The following SAMSN1 variants were observed in gnomAD, a reference collection of about 807,000 sequenced individuals.
The protein encoded by SAMSN1 is SAM domain-containing protein SAMSN-1.
In SAMSN1, 31 loss-of-function variants were observed where a neutral mutation model predicts 42.0. The ratio of observed to expected loss-of-function variants is 0.74; its 90% CI spans 0.55 to 1.00. The LOEUF (loss-of-function observed/expected upper bound fraction) is 1.00, where lower values mean the gene tolerates loss of function less well. Ranked by LOEUF, SAMSN1 falls within the 50% of genes least tolerant of loss-of-function variation. SAMSN1 has a pLI of 0.00. For synonymous variants in SAMSN1, 178 were observed against 151.9 expected (o/e 1.17, Z -1.26); for missense variants, 464 against 439.4 (o/e 1.06, Z -0.50).
At chr21:14,623,402 A>G (rs1428971025) in intron 2 of SAMSN1, among the ~76,000 whole-genome samples, 1 of 152,226 alleles carries the variant, frequency 6.6e-6, no homozygotes, top group Non-Finnish European at 1.5e-5. Context: ...AGAGACACAC[A>G]TAGGCTCAAA....
At chr21:14,554,669 C>T (rs6516879) in intron 2 of SAMSN1, among the ~76,000 whole-genome samples, 142 of 150,880 alleles carry the variant, frequency 9.4e-4, no homozygotes, top group African/African-American at 3.4e-3. Flanking sequence ...AGGTGATCAA[C>T]TAGCAGTTAA....
At chr21:14,493,574 A>AACACAC (rs201460166) in intron 7 of SAMSN1, among the ~76,000 whole-genome samples, 4,491 of 102,182 alleles carry the variant, frequency 0.044, 96 homozygotes, top group African/African-American at 0.047. Flanking sequence ...TTTATGGAAC[A>AACACAC]ACACACACAC....
At chr21:14,506,906 T>C (rs990800795) in intron 5 of SAMSN1, among the ~76,000 whole-genome samples, 2 of 152,204 alleles carry the variant, frequency 1.3e-5, no homozygotes, top group Non-Finnish European at 1.5e-5. Flanking sequence ...CTTCAATAAA[T>C]GTGATACACC....
Position 14,603,194 on chromosome 21 carries a change from T to C in SAMSN1, c.323-1095A>G, listed in dbSNP as rs75543520. On this transcript the variant is annotated intron_variant, in intron 5 of 15. Coordinates refer to the SAMSN1 transcript ENST00000647101. ...GGAAAAAAAAATATTGCCTCCCCTC[T>C]TATTCCTTTCCATCTTGTCTCTTTT... Among the ~76,000 whole-genome samples the C allele has an allele frequency of 1.6e-3, 242 of 152,276 alleles. 6 individuals are homozygous for C. In the East Asian group the frequency reaches 0.033, roughly 21 times the overall value.
At chr21:14,656,882 A>AG (rs1019134120) in intron 1 of SAMSN1, among the ~76,000 whole-genome samples, 1 of 151,860 alleles carries the variant, frequency 6.6e-6, no homozygotes, top group Non-Finnish European at 1.5e-5. Flanking sequence ...TGCTTCCCAG[A>AG]GATTTAAAGG....
chr21:14,583,728 G>A, upstream of SAMSN1: 1 of 717,618 alleles, frequency 1.4e-6, no homozygotes, highest in Admixed American at 2.0e-5. Context: ...TTCTGTAGTC[G>A]CTTTAATGTC....
At chr21:14,585,778 G>A (rs1037361858), upstream of SAMSN1, among the ~76,000 whole-genome samples, 8 of 152,136 alleles carry the variant, frequency 5.3e-5, no homozygotes, top group African/African-American at 7.2e-5. Flanking sequence ...TTTTATACAT[G>A]TTTTATATAC....
Position 14,560,305 on chromosome 21 carries a change from T to G in SAMSN1, c.261+21831A>C, listed in dbSNP as rs118127948. ...ATATTAGAGACATGAAATTGTTTGG[T>G]ACTGAAACCATCTTTGCAAGATTAT... On this transcript the variant is annotated intron_variant, in intron 2 of 8. Transcript: ENST00000285670. 5.8e-3 allele frequency among the ~76,000 whole-genome samples: 883 copies of G among 152,296 alleles called. 8 individuals are homozygous for G. Among genetic ancestry groups the G allele is most frequent in the Non-Finnish European group, 9.5e-3 (647 of 68,024 alleles).
intron 2 of SAMSN1, among the ~76,000 whole-genome samples, chr21:14,561,939 C>T (rs1223795997): frequency 1.3e-5 from 2 of 152,054 alleles, no homozygotes; most frequent in African/African-American, 2.4e-5. Context: ...AGGAGTCTCT[C>T]CTAGAGGCTT....
chr21:14,593,821 A>G (rs1982165342), intron 7 of SAMSN1: 6 of 383,634 alleles, frequency 1.6e-5, no homozygotes, highest in Non-Finnish European at 2.3e-5. Context: ...GAAATGCTTT[A>G]TGTTCCTTTT....
intron 2 of SAMSN1, among the ~76,000 whole-genome samples, chr21:14,575,357 A>T (rs912201388): frequency 2.6e-5 from 4 of 152,182 alleles, no homozygotes; most frequent in African/African-American, 7.2e-5. Context: ...TGTCAAGTAT[A>T]TTAATTTTAG....
chr21:14,571,032 C>G (rs929927948), intron 2 of SAMSN1, among the ~76,000 whole-genome samples: 1 of 152,206 alleles, frequency 6.6e-6, no homozygotes, highest in African/African-American at 2.4e-5. Flanking sequence ...TAACTCTTCT[C>G]TTCCATCACA....
In SAMSN1 at chr21:14,529,240, C is replaced by T. The variant is rs544692359; in HGVS notation, c.58-8019G>A. ...CCATTCTTCGAGGGCAGGATTAAGTCTCACCTCCCTTAGGAAACCCTTTTC... is the reference window on the plus strand; with the variant it reads ...CCATTCTTCGAGGGCAGGATTAAGTTTCACCTCCCTTAGGAAACCCTTTTC... On this transcript the variant is annotated intron_variant, in intron 1 of 7. Coordinates refer to ENST00000400566, the MANE Select transcript of SAMSN1 (RefSeq NM_022136.5). 3.9e-5 allele frequency among the ~76,000 whole-genome samples: 6 copies of T among 152,316 alleles called. No homozygotes were observed. In the East Asian group the frequency reaches 1.2e-3, roughly 29 times the overall value.
chr21:14,652,999 T>C (rs1600985886), intron 1 of SAMSN1, among the ~76,000 whole-genome samples: 2 of 152,118 alleles, frequency 1.3e-5, no homozygotes, highest in East Asian at 3.9e-4. Context: ...TATCTCACCA[T>C]AGTTAAAAAT....
chr21:14,622,272 C>T (rs402024), intron 2 of SAMSN1, among the ~76,000 whole-genome samples: 1 of 152,124 alleles, frequency 6.6e-6, no homozygotes, highest in African/African-American at 2.4e-5. Context: ...GCTGGATGGA[C>T]AATGACTTTG....
chr21:14,490,581 G>A (rs1027993606), intron 7 of SAMSN1, among the ~76,000 whole-genome samples: 1 of 152,144 alleles, frequency 6.6e-6, no homozygotes, highest in African/African-American at 2.4e-5. Flanking sequence ...TTCATCTAAA[G>A]CCCATTCTTA....
At chr21:14,526,392 T>C (rs995736453) in intron 1 of SAMSN1, among the ~76,000 whole-genome samples, 7 of 152,226 alleles carry the variant, frequency 4.6e-5, no homozygotes, top group African/African-American at 1.7e-4. Flanking sequence ...ACAGTCCACT[T>C]GGCTTACCCA....
chr21:14,579,785 T>C (rs1378062398), intron 2 of SAMSN1, among the ~76,000 whole-genome samples: 1 of 151,970 alleles, frequency 6.6e-6, no homozygotes, highest in African/African-American at 2.4e-5. Flanking sequence ...CCTGGCCACT[T>C]CTTCAGATAT....
intron 2 of SAMSN1, among the ~76,000 whole-genome samples, chr21:14,630,073 A>G (rs1204127885): frequency 6.6e-6 from 1 of 152,210 alleles, no homozygotes; most frequent in Non-Finnish European, 1.5e-5. Context: ...CTTGCAAAAA[A>G]ATGTGATAGG....
Sources: gnomAD v4.1 joint callset for allele counts (sites outside exome capture counted in the v4.1 genomes callset) on GRCh38, gnomAD v4.1.1 for gene constraint, MANE v1.5 for transcripts, NCBI Gene and HGNC (gene_info 2026-07-23, HGNC 2026-07-21) for gene names.